The following NSF variants were observed in gnomAD, a reference collection of about 807,000 sequenced individuals.
NSF encodes N-ethylmaleimide sensitive factor, vesicle fusing ATPase.
In NSF, 14 loss-of-function variants were observed where a neutral mutation model predicts 50.3. The ratio of observed to expected loss-of-function variants is 0.28; its 90% confidence interval spans 0.18 to 0.44. NSF has a LOEUF of 0.44. NSF is among the 20% of genes least tolerant of loss of function. NSF has a pLI of 1.00. For missense variants in NSF, 218 were observed against 504.3 expected (o/e 0.43, Z 5.44); for synonymous variants, 109 against 175.7 (o/e 0.62, Z 3.00).
chr17:46,728,806 T>C, intron 16 of NSF, 49 bp from the exon 17 acceptor site: 1 of 1,201,892 alleles, frequency 8.3e-7, no homozygotes, highest in Non-Finnish European at 1.2e-6. Context: ...ATGTTTGGAA[T>C]ATGTACATGT....
rs1044222202 is a variant in NSF, at chr17:46,714,005, C to T, written c.1761+19C>T. On this transcript the variant is annotated intron_variant, in intron 15 of 20. Transcript: ENST00000398238. ...GAAGAAGGTATCAAGATTTTACTTT[C>T]ATTTTAATTTCCTATCTCTTAAATG... 1 of 1,595,642 alleles carries T rather than the reference C, an allele frequency of 6.3e-7. No homozygotes were observed. Among genetic ancestry groups the T allele is most frequent in the Non-Finnish European group, 8.5e-7 (1 of 1,174,494 alleles).
chr17:46,707,999 C>G (rs939051965), intron 13 of NSF, among the ~76,000 whole-genome samples: 6 of 149,042 alleles, frequency 4.0e-5, no homozygotes, highest in Non-Finnish European at 5.9e-5. Flanking sequence ...TGCCACTGCA[C>G]GCCAGCCTGG....
At chr17:46,671,746 GTTTAT>G (rs956112071) in intron 8 of NSF, among the ~76,000 whole-genome samples, 2 of 102,092 alleles carry the variant, frequency 2.0e-5, no homozygotes, top group African/African-American at 7.1e-5. Flanking sequence ...TTTGTGAATT[GTTTAT>G]TTTATAATAT....
At chr17:46,752,966 A>G (rs926712095) in intron 19 of NSF, among the ~76,000 whole-genome samples, 3 of 151,974 alleles carry the variant, frequency 2.0e-5, no homozygotes, top group African/African-American at 7.3e-5. Flanking sequence ...ATGGGGTTTC[A>G]CCATGTTGGC....
At chr17:46,741,588 CA>C (rs113562005) in intron 17 of NSF, among the ~76,000 whole-genome samples, 13 of 144,788 alleles carry the variant, frequency 9.0e-5, no homozygotes, top group Admixed American at 6.9e-5. Context: ...CATTTAACTG[CA>C]AAAAAAAAAG....
chr17:46,730,570 T>C (rs2058939101), intron 17 of NSF, among the ~76,000 whole-genome samples: 1 of 152,180 alleles, frequency 6.6e-6, no homozygotes, highest in African/African-American at 2.4e-5. Context: ...TATTGTAAGA[T>C]TTTTGAGGGA....
chr17:46,622,372 G>A (rs28407020), intron 1 of NSF, among the ~76,000 whole-genome samples: 8 of 150,156 alleles, frequency 5.3e-5, no homozygotes, highest in East Asian at 3.9e-4. Context: ...GCAGGAGAAT[G>A]GCGTGAACCC....
intron 15 of NSF, among the ~76,000 whole-genome samples, chr17:46,725,713 G>A (rs1026765221): frequency 3.3e-5 from 5 of 152,076 alleles, no homozygotes; most frequent in Non-Finnish European, 7.4e-5. Context: ...GGTGGGGATC[G>A]GGTTTACTAT....
chr17:46,729,006 C>A, intron 17 of NSF, 72 bp downstream of exon 17: 2 of 923,622 alleles, frequency 2.2e-6, no homozygotes, highest in Admixed American at 2.4e-5. Context: ...ATGATACAAT[C>A]TTTAAATAAG....
intron 18 of NSF, 108 bp from the exon 19 acceptor site, chr17:46,751,395 G>A (rs2059180471): frequency 1.7e-5 from 13 of 766,388 alleles, no homozygotes. Context: ...CTATCAACTT[G>A]AACAGTTAGG....
intron 17 of NSF, among the ~76,000 whole-genome samples, chr17:46,745,236 T>C (rs1396761128): frequency 6.6e-6 from 1 of 152,196 alleles, no homozygotes; most frequent in Non-Finnish European, 1.5e-5. Context: ...TTTAATATAT[T>C]CGGAGCTGTT....
At chr17:46,747,705 A>C (rs1239463372) in intron 17 of NSF, among the ~76,000 whole-genome samples, 1 of 152,244 alleles carries the variant, frequency 6.6e-6, no homozygotes, top group Non-Finnish European at 1.5e-5. Flanking sequence ...TAAAATTGAT[A>C]CTAACCTGAA....
rs181024725 is a variant in NSF at position 46,635,818 on chromosome 17, T to C, written c.239-1558T>C. Among the ~76,000 whole-genome samples the C allele has an allele frequency of 4.8e-4, 67 of 138,454 alleles. 2 individuals carry two copies. The highest frequency in any genetic ancestry group is 1.7e-3 in the African/African-American group (63 of 37,698). The allele number at this position is 138,454 out of a possible 152,430, so 90.8% of individuals were successfully genotyped here. The stretch of plus-strand genomic sequence containing the variant: ...GTGTGTGTGTGTGTGTGTGTGTGTG[T>C]GCTCGTGTGTGAAGCCTTATTGAAG... On this transcript the variant is annotated intron_variant, in intron 4 of 20. Coordinates refer to ENST00000398238, the MANE Select transcript of NSF (RefSeq NM_006178.4).
At chr17:46,709,898 C>T (rs1410521481) in intron 13 of NSF, among the ~76,000 whole-genome samples, 1 of 152,140 alleles carries the variant, frequency 6.6e-6, no homozygotes, top group Non-Finnish European at 1.5e-5. Flanking sequence ...GAATGAGAAC[C>T]TTCCTCTGTA....
chr17:46,746,748 GGCCTTGAACACAAATGACTT>G (rs1367139561), intron 17 of NSF, among the ~76,000 whole-genome samples: 2 of 152,080 alleles, frequency 1.3e-5, no homozygotes, highest in South Asian at 2.1e-4. Context: ...TTGGTTATTT[GGCCTTGAACACAAATGACTT>G]GCCTTGAACA....
chr17:46,735,903 C>T (rs2058998671), intron 17 of NSF, among the ~76,000 whole-genome samples: 2 of 152,118 alleles, frequency 1.3e-5, no homozygotes, highest in Admixed American at 6.5e-5. Context: ...TGAGATTGTA[C>T]CACTGCACTC....
At chr17:46,619,770 T>TA (rs139171166) in intron 1 of NSF, among the ~76,000 whole-genome samples, 11,172 of 20,744 alleles carry the variant, frequency 0.54, 3,091 homozygotes, top group South Asian at 0.73. Flanking sequence ...AGACTCCATC[T>TA]AAAAAAAAAA....
At position 46,728,928 on chromosome 17, in the gene NSF, T is replaced by A. The variant is rs770765055; in HGVS notation, c.1902T>A (p.Pro634=). ...TTCTCGTTTTACTGAAAAAGGCACCTCCTCAGGTAAAATAATACTACTAAT... is the reference window on the plus strand; with the variant it reads ...TTCTCGTTTTACTGAAAAAGGCACCACCTCAGGTAAAATAATACTACTAAT... ...QALLVLLKKA[P]PQGRKLLIIG... The change falls in exon 17 of 21, where the codon CCT becomes CCA. Residue 634 remains proline (P), a synonymous_variant. Transcript: ENST00000398238. The A allele has an allele frequency of 6.3e-7, 1 of 1,598,224 alleles. No individual in the cohort carries two copies. The highest frequency in any genetic ancestry group is 8.6e-7 in the Non-Finnish European group (1 of 1,168,902).
At chr17:46,746,578 A>G (rs769507527) in intron 17 of NSF, among the ~76,000 whole-genome samples, 30 of 152,028 alleles carry the variant, frequency 2.0e-4, no homozygotes, top group Non-Finnish European at 4.1e-4. Context: ...AGACTTATCT[A>G]TGGACTGAGT....
Sources: allele counts gnomAD v4.1 joint callset (sites outside exome capture counted in the v4.1 genomes callset), GRCh38; gene constraint gnomAD v4.1.1; transcripts MANE v1.5; gene names NCBI Gene and HGNC (gene_info 2026-07-23, HGNC 2026-07-21).